DDHD1: variants seen among roughly 807,000 people sequenced by gnomAD.
DDHD1 encodes phospholipase DDHD1.
Under a neutral mutation model 96.4 loss-of-function variants are expected in DDHD1, and 49 were observed. The ratio of observed to expected loss-of-function variants is 0.51; its 90% CI spans 0.40 to 0.64. DDHD1 has a LOEUF of 0.64. DDHD1 is among the 30% of genes least tolerant of loss of function. The pLI, the probability that DDHD1 is intolerant of heterozygous loss-of-function variation, is 0.00. For missense variants in DDHD1, 1,106 were observed against 1,161.2 expected (o/e 0.95, Z 0.69); for synonymous variants, 442 against 446.5 (o/e 0.99, Z 0.13).
intron 5 of DDHD1, 49 bp from the exon 6 acceptor site, chr14:53,072,752 TA>T: frequency 7.4e-7 from 1 of 1,343,574 alleles, no homozygotes; most frequent in South Asian, 1.2e-5. Flanking sequence ...AAGTCTCTGT[TA>T]CAGGAAAGTA....
chr14:53,060,787 T>G (rs776812103), intron 8 of DDHD1, among the ~76,000 whole-genome samples: 1 of 152,208 alleles, frequency 6.6e-6, no homozygotes, highest in African/African-American at 2.4e-5. Flanking sequence ...TTTCTTTCAC[T>G]TGGCAATATC....
chr14:53,086,542 C>T (rs1885970797), intron 4 of DDHD1, among the ~76,000 whole-genome samples: 1 of 139,376 alleles, frequency 7.2e-6, no homozygotes, highest in Non-Finnish European at 1.5e-5. Flanking sequence ...ATCTCATATC[C>T]AGCCAAACCA....
Position 53,152,986 on chromosome 14 carries a change from A to ACGC in DDHD1, c.110_112dup (p.Gly37dup), listed in dbSNP as rs1313357423. 1 of 1,555,000 alleles carries ACGC rather than the reference A, an allele frequency of 6.4e-7. No homozygotes were observed. Among genetic ancestry groups the ACGC allele is most frequent in the East Asian group, 2.5e-5 (1 of 40,712 alleles). ...GCCGGGCAGGTGCTCGAAGCAGCAG[A>ACGC]CGCCGCCGCCGAACGCTGGCCTCGC... On this transcript the variant is annotated inframe_insertion, in exon 1 of 13. Coordinates refer to ENST00000673822, the MANE Select transcript of DDHD1 (RefSeq NM_001160148.2).
chr14:53,118,462 C>G (rs1888718895), intron 1 of DDHD1, among the ~76,000 whole-genome samples: 1 of 152,124 alleles, frequency 6.6e-6, no homozygotes, highest in African/African-American at 2.4e-5. Context: ...TAAAGAAGAC[C>G]TTAAGTGACC....
intron 1 of DDHD1, among the ~76,000 whole-genome samples, chr14:53,112,940 A>G (rs1888218373): frequency 6.6e-6 from 1 of 152,112 alleles, no homozygotes. Flanking sequence ...GAAATATGTA[A>G]TAATTTAAAC....
chr14:53,134,905 T>G (rs1236530993), intron 1 of DDHD1, among the ~76,000 whole-genome samples: 2 of 152,062 alleles, frequency 1.3e-5, no homozygotes, highest in African/African-American at 2.4e-5. Flanking sequence ...ATAACAAATG[T>G]TCCTTCTAAT....
chr14:53,065,085 A>G (rs944597276), intron 6 of DDHD1, among the ~76,000 whole-genome samples: 2 of 152,168 alleles, frequency 1.3e-5, no homozygotes, highest in African/African-American at 2.4e-5. Flanking sequence ...GATCTAATCA[A>G]CTCAACGAAC....
At chr14:53,058,200 G>A (rs979964768) in intron 9 of DDHD1, among the ~76,000 whole-genome samples, 1 of 152,068 alleles carries the variant, frequency 6.6e-6, no homozygotes, top group South Asian at 2.1e-4. Context: ...GCAGTGGCAT[G>A]ATCTTGGCTC....
chr14:53,144,277 A>C (rs561045551), intron 1 of DDHD1, among the ~76,000 whole-genome samples: 2 of 152,364 alleles, frequency 1.3e-5, no homozygotes, highest in African/African-American at 2.4e-5. Context: ...CTTAAATAAG[A>C]AGCATAATAG....
At chr14:53,100,451 G>C (rs189304706) in intron 2 of DDHD1, among the ~76,000 whole-genome samples, 8 of 152,274 alleles carry the variant, frequency 5.3e-5, no homozygotes, top group Middle Eastern at 3.4e-3. Flanking sequence ...CTGGGTGACA[G>C]AGAAAGACCC....
Position 53,058,457 on chromosome 14 carries a change from G to A in DDHD1, c.1992+20C>T, listed in dbSNP as rs759128001. The stretch of plus-strand genomic sequence containing the variant: ...AACAATTTGACATTGAGAAAAAAAA[G>A]AGTCTATATTGCAACTCACCACTGG... On this transcript the variant is annotated intron_variant, in intron 9 of 12. Transcript: ENST00000673822. The A allele has an allele frequency of 2.5e-6, 4 of 1,582,406 alleles. No individual in the cohort carries two copies. The highest frequency in any genetic ancestry group is 1.2e-5 in the South Asian group (1 of 85,168).
chr14:53,116,966 G>T (rs943714973), intron 1 of DDHD1, among the ~76,000 whole-genome samples: 1 of 152,080 alleles, frequency 6.6e-6, no homozygotes, highest in African/African-American at 2.4e-5. Flanking sequence ...TAGACTGCTA[G>T]CTAGACTAAT....
chr14:53,128,114 G>A (rs948017030), intron 1 of DDHD1, among the ~76,000 whole-genome samples: 3 of 152,166 alleles, frequency 2.0e-5, no homozygotes, highest in Non-Finnish European at 4.4e-5. Context: ...GAAGAAGGAC[G>A]AGTTTGCTTC....
intron 10 of DDHD1, among the ~76,000 whole-genome samples, 164 bp downstream of exon 10, chr14:53,055,496 A>G (rs1882964371): frequency 6.6e-6 from 1 of 152,210 alleles, no homozygotes; most frequent in African/African-American, 2.4e-5. Context: ...AGAGAACTTT[A>G]GAGCTTTTTG....
chr14:53,081,370 T>C (rs1885454375), intron 4 of DDHD1, among the ~76,000 whole-genome samples: 1 of 152,360 alleles, frequency 6.6e-6, no homozygotes, highest in Admixed American at 6.5e-5. Context: ...TCATTCAATT[T>C]TGATGGCTGT....
intron 2 of DDHD1, among the ~76,000 whole-genome samples, chr14:53,102,494 A>G (rs1247823767): frequency 6.6e-6 from 1 of 152,062 alleles, no homozygotes; most frequent in Non-Finnish European, 1.5e-5. Context: ...GACAACTATT[A>G]TTATATAAAT....
chr14:53,104,408 C>T (rs539171435), intron 1 of DDHD1, among the ~76,000 whole-genome samples: 7 of 152,232 alleles, frequency 4.6e-5, no homozygotes, highest in Admixed American at 3.3e-4. Flanking sequence ...AATTAGTAGG[C>T]TAAGGGTTTG....
intron 1 of DDHD1, among the ~76,000 whole-genome samples, chr14:53,111,707 C>T (rs561930545): frequency 5.3e-5 from 8 of 152,132 alleles, no homozygotes; most frequent in African/African-American, 1.4e-4. Flanking sequence ...ATGTAATATA[C>T]ATTGAATTAA....
At chr14:53,092,596 G>A (rs1886521906) in intron 3 of DDHD1, 1 of 152,176 alleles carries the variant, frequency 6.6e-6, no homozygotes, top group Admixed American at 6.6e-5. Flanking sequence ...TAACCCCAGA[G>A]CTTTGGGAGA....
Sources: allele counts gnomAD v4.1 joint callset (sites outside exome capture counted in the v4.1 genomes callset), GRCh38; gene constraint gnomAD v4.1.1; transcripts MANE v1.5; gene names NCBI Gene and HGNC (gene_info 2026-07-23, HGNC 2026-07-21).